The following TRDN variants were observed in gnomAD, a reference collection of about 807,000 sequenced individuals.
TRDN encodes triadin in skeletal muscle.
TRDN carries 161 observed loss-of-function variants against 149.7 expected under a neutral mutation model. The ratio of observed to expected loss-of-function variants is 1.08; its 90% CI spans 0.95 to 1.23. The LOEUF is 1.23. TRDN is among the 50% of genes most tolerant of loss of function. TRDN has a pLI of 0.00. For synonymous variants in TRDN, 294 were observed against 250.5 expected, an observed-to-expected ratio of 1.17 and a Z score of -1.64; for missense variants, 896 against 823.5, an observed-to-expected ratio of 1.09 and a Z score of -1.08.
chr6:123,591,928 G>A (rs1480976872), intron 1 of TRDN, among the ~76,000 whole-genome samples: 2 of 152,062 alleles, frequency 1.3e-5, no homozygotes, highest in Non-Finnish European at 2.9e-5. Flanking sequence ...GAAACAGGCC[G>A]ATAAAGCTGC....
chr6:123,398,977 C>T (rs549517085), intron 12 of TRDN, among the ~76,000 whole-genome samples: 1 of 152,210 alleles, frequency 6.6e-6, no homozygotes. Flanking sequence ...CCTCATCAAG[C>T]CATGTATTTT....
intron 9 of TRDN, among the ~76,000 whole-genome samples, chr6:123,474,262 T>C (rs1162450807): frequency 1.3e-5 from 2 of 150,950 alleles, no homozygotes; most frequent in South Asian, 2.1e-4. Flanking sequence ...ACCAAGCAAA[T>C]GGAAAACAAA....
intron 25 of TRDN, 51 bp from the exon 26 acceptor site, chr6:123,278,398 T>C: frequency 1.8e-6 from 2 of 1,104,604 alleles, no homozygotes; most frequent in Non-Finnish European, 2.5e-6. Flanking sequence ...AGATATTCAT[T>C]TCCTATATAC....
intron 1 of TRDN, among the ~76,000 whole-genome samples, chr6:123,629,385 T>G (rs1346108968): frequency 6.6e-6 from 1 of 152,254 alleles, no homozygotes; most frequent in East Asian, 1.9e-4. Flanking sequence ...TTCTCAACAC[T>G]TCAGTAACCT....
At chr6:123,245,476 C>A (rs1776138726) in intron 38 of TRDN, among the ~76,000 whole-genome samples, 1 of 151,930 alleles carries the variant, frequency 6.6e-6, no homozygotes, top group Non-Finnish European at 1.5e-5. Context: ...TTTACACCAA[C>A]AAAGATGAAA....
At chr6:123,389,625 G>A (rs1782032757) in intron 13 of TRDN, 1 of 152,060 alleles carries the variant, frequency 6.6e-6, no homozygotes, top group Non-Finnish European at 1.5e-5. Context: ...GGAAGAAAAT[G>A]TATTTTAATT....
intron 12 of TRDN, among the ~76,000 whole-genome samples, chr6:123,434,856 A>G (rs959764001): frequency 1.3e-5 from 2 of 151,978 alleles, no homozygotes; most frequent in Admixed American, 1.3e-4. Context: ...TAAATAAAGG[A>G]GTGTTATAAT....
At position 123,445,474 on chromosome 6, in the gene TRDN, G is replaced by A. The variant is rs200502865; in HGVS notation, c.932-6471C>T. Among the ~76,000 whole-genome samples, 14 of 120,500 alleles carry A rather than the reference G, an allele frequency of 1.2e-4. No individual in the cohort carries two copies. The East Asian group carries it at 2.1e-3, about 18-fold the overall frequency. The allele number at this position is 120,500 out of a possible 152,430, so 79.1% of individuals were successfully genotyped here. A position where few individuals can be genotyped will look rare whatever the true frequency, so the allele number is the denominator to read the frequency against. On this transcript the variant is annotated intron_variant, in intron 10 of 40. Transcript: ENST00000334268. ...AACTACAAAATGGGAGAAAATTTTC[G>A]CAACCTACTCATCTGACAAAGGGCT... is the stretch of plus-strand genomic sequence containing the variant.
intron 5 of TRDN, among the ~76,000 whole-genome samples, chr6:123,528,146 T>C (rs544882726): frequency 1.3e-5 from 2 of 152,038 alleles, no homozygotes; most frequent in East Asian, 3.9e-4. Flanking sequence ...TAAAAGTATC[T>C]AATTTCTTAA....
chr6:123,510,442 T>C (rs1779117639), intron 7 of TRDN, among the ~76,000 whole-genome samples: 1 of 152,062 alleles, frequency 6.6e-6, no homozygotes, highest in African/African-American at 2.4e-5. Flanking sequence ...ATGTAGGGAA[T>C]AAGATTAAAT....
intron 35 of TRDN, among the ~76,000 whole-genome samples, chr6:123,258,054 T>A (rs1208631599): frequency 1.3e-5 from 2 of 152,194 alleles, no homozygotes; most frequent in Non-Finnish European, 2.9e-5. Context: ...TGGGGTTTTC[T>A]AAATATACAA....
rs200448050 is a variant in TRDN, at chr6:123,585,622, T to A, written c.23-14490A>T. On this transcript the variant is annotated intron_variant, in intron 1 of 40. Coordinates refer to ENST00000334268, the MANE Select transcript of TRDN (RefSeq NM_006073.4). ...CCTTGGGCCAGAGTTCCAGGGGCTCTGGGAGTGGCTGCCGGGTGAGTTGGA... is the reference window on the plus strand; with the variant it reads ...CCTTGGGCCAGAGTTCCAGGGGCTCAGGGAGTGGCTGCCGGGTGAGTTGGA... Among the ~76,000 whole-genome samples the A allele has an allele frequency of 2.6e-5, 4 of 152,158 alleles. No homozygotes were observed. In the East Asian group the frequency reaches 7.7e-4, roughly 29 times the overall value.
At chr6:123,512,267 G>T (rs775312408) in intron 7 of TRDN, 36 bp downstream of exon 7, 13 of 1,224,610 alleles carry the variant, frequency 1.1e-5, no homozygotes, top group Admixed American at 2.3e-5. Flanking sequence ...AGAGTAAAAA[G>T]AATTTAGTTA....
chr6:123,565,807 C>T (rs1405730466), intron 2 of TRDN, among the ~76,000 whole-genome samples: 1 of 152,174 alleles, frequency 6.6e-6, no homozygotes, highest in African/African-American at 2.4e-5. Context: ...CGTGCAGTTC[C>T]GTGGGGGAAA....
At chr6:123,491,102 C>G (rs1236014143) in intron 9 of TRDN, among the ~76,000 whole-genome samples, 1 of 95,718 alleles carries the variant, frequency 1.0e-5, no homozygotes, top group Admixed American at 1.0e-4. Context: ...GAGACTACAT[C>G]TCAAAAAAAA....
At chr6:123,294,353 A>G (rs1778116232) in intron 24 of TRDN, among the ~76,000 whole-genome samples, 1 of 152,096 alleles carries the variant, frequency 6.6e-6, no homozygotes, top group Non-Finnish European at 1.5e-5. Context: ...TCTTGTTACT[A>G]ATATTGGCCC....
At chr6:123,388,446 A>G in intron 14 of TRDN, 76 bp downstream of exon 14, 1 of 1,473,382 alleles carries the variant, frequency 6.8e-7, no homozygotes, top group Non-Finnish European at 9.3e-7. Flanking sequence ...TAGACAGAAT[A>G]GCAGTCAAAA....
chr6:123,253,221 A>G (rs1008977200), intron 37 of TRDN, among the ~76,000 whole-genome samples: 2 of 152,018 alleles, frequency 1.3e-5, no homozygotes, highest in Admixed American at 1.3e-4. Flanking sequence ...CTAAGGTGAA[A>G]TTATTGTCCC....
At chr6:123,452,804 A>G (rs796850561) in intron 10 of TRDN, among the ~76,000 whole-genome samples, 16 of 152,288 alleles carry the variant, frequency 1.1e-4, no homozygotes, top group African/African-American at 3.8e-4. Context: ...AACAAGACTA[A>G]GCAAAAAGTA....
Sources: gnomAD v4.1 joint callset for allele counts (sites outside exome capture counted in the v4.1 genomes callset) on GRCh38, gnomAD v4.1.1 for gene constraint, MANE v1.5 for transcripts, NCBI Gene and HGNC (gene_info 2026-07-23, HGNC 2026-07-21) for gene names.